The following SMOC2 variants were observed in gnomAD, a reference collection of about 807,000 sequenced individuals.
SMOC2 encodes the protein SPARC related modular calcium binding 2.
SMOC2 carries 39 observed loss-of-function variants against 61.4 expected under a neutral mutation model. The ratio of observed to expected loss-of-function variants is 0.64; its 90% confidence interval spans 0.49 to 0.83. The LOEUF (loss-of-function observed/expected upper bound fraction) is 0.83. Among genes scored for constraint, SMOC2 ranks in the 40% least tolerant of loss-of-function variants. The pLI is 0.00. For synonymous variants in SMOC2, 247 were observed against 239.9 expected (o/e 1.03, Z -0.27); for missense variants, 556 against 592.9 (o/e 0.94, Z 0.65).
chr6:168,663,620 A>G (rs1416211314), intron 11 of SMOC2, among the ~76,000 whole-genome samples: 3 of 152,214 alleles, frequency 2.0e-5, no homozygotes, highest in Non-Finnish European at 4.4e-5. Flanking sequence ...AGTTACTTTC[A>G]TGATCCAGTA....
chr6:168,509,853 T>C, intron 1 of SMOC2, 62 bp from the exon 2 acceptor site: 1 of 1,517,458 alleles, frequency 6.6e-7, no homozygotes, highest in Non-Finnish European at 8.9e-7. Flanking sequence ...CAGCCTTCTG[T>C]TTTCTGCTGC....
chr6:168,478,906 T>C (rs1298856886), intron 1 of SMOC2, among the ~76,000 whole-genome samples: 4 of 151,356 alleles, frequency 2.6e-5, no homozygotes, highest in Admixed American at 1.3e-4. Flanking sequence ...TGGTATCTGG[T>C]CTAGAACAGC....
intron 9 of SMOC2, among the ~76,000 whole-genome samples, chr6:168,640,201 GTTGTA>G (rs1786858234): frequency 7.6e-6 from 1 of 131,962 alleles, no homozygotes; most frequent in African/African-American, 3.0e-5. Flanking sequence ...TGGTGTTGGT[GTTGTA>G]TTGTGCTTGT....
intron 1 of SMOC2, among the ~76,000 whole-genome samples, chr6:168,500,469 AC>A (rs1236078391): frequency 2.0e-5 from 3 of 151,964 alleles, no homozygotes; most frequent in Non-Finnish European, 2.9e-5. Context: ...CACGCGTGGA[AC>A]CTGACGGGGT....
At chr6:168,502,252 GT>G (rs1562558591) in intron 1 of SMOC2, among the ~76,000 whole-genome samples, 1 of 152,194 alleles carries the variant, frequency 6.6e-6, no homozygotes, top group Non-Finnish European at 1.5e-5. Context: ...ATCACATTTT[GT>G]TTTCACGATC....
At chr6:168,474,623 G>A (rs564634612) in intron 1 of SMOC2, among the ~76,000 whole-genome samples, 5 of 152,228 alleles carry the variant, frequency 3.3e-5, no homozygotes, top group African/African-American at 7.2e-5. Flanking sequence ...CTCCGGAGAC[G>A]TATACAACTG....
chr6:168,661,326 A>G (rs2115290811), intron 11 of SMOC2, among the ~76,000 whole-genome samples: 1 of 152,254 alleles, frequency 6.6e-6, no homozygotes. Flanking sequence ...AAATATGAGA[A>G]ATCAGCCGGG....
At chr6:168,570,513 C>T (rs1784640633) in intron 7 of SMOC2, among the ~76,000 whole-genome samples, 1 of 152,232 alleles carries the variant, frequency 6.6e-6, no homozygotes, top group African/African-American at 2.4e-5. Context: ...GCCAGGTTTT[C>T]ACAGGGCCCT....
chr6:168,621,720 ATCTCAC>A (rs1263055780), intron 9 of SMOC2, among the ~76,000 whole-genome samples: 115 of 119,876 alleles, frequency 9.6e-4, no homozygotes, highest in Middle Eastern at 4.1e-3. Flanking sequence ...AGATCTCACG[ATCTCAC>A]GCGGACTCAC....
intron 7 of SMOC2, among the ~76,000 whole-genome samples, chr6:168,575,106 T>C (rs1784766748): frequency 6.6e-6 from 1 of 152,164 alleles, no homozygotes. Context: ...GGGGAAAGGT[T>C]TGTGCGAAGC....
chr6:168,552,490 T>C (rs953710269), intron 7 of SMOC2, among the ~76,000 whole-genome samples: 1 of 152,186 alleles, frequency 6.6e-6, no homozygotes, highest in African/African-American at 2.4e-5. Flanking sequence ...TGTTTCTTTA[T>C]ATCAGATAAA....
intron 1 of SMOC2, among the ~76,000 whole-genome samples, chr6:168,493,885 T>C (rs1351248376): frequency 6.6e-6 from 1 of 152,248 alleles, no homozygotes; most frequent in Non-Finnish European, 1.5e-5. Context: ...TAATTGGTTC[T>C]TGCTATTCAG....
At chr6:168,590,146 T>C (rs1305547251) in intron 7 of SMOC2, among the ~76,000 whole-genome samples, 8 of 131,558 alleles carry the variant, frequency 6.1e-5, no homozygotes. Flanking sequence ...GTGGCATGAG[T>C]TTAGGGGGCA....
chr6:168,615,360 G>A (rs568329129), intron 9 of SMOC2, among the ~76,000 whole-genome samples: 3 of 66,194 alleles, frequency 4.5e-5, no homozygotes, highest in African/African-American at 1.8e-4. Context: ...CACACCTACA[G>A]CCAGCACAGG....
intron 4 of SMOC2, among the ~76,000 whole-genome samples, chr6:168,542,279 T>C (rs1406162052): frequency 6.6e-6 from 1 of 152,204 alleles, no homozygotes; most frequent in Non-Finnish European, 1.5e-5. Context: ...GTTAGCTTTG[T>C]ATCCTAGGGG....
At chr6:168,625,612 T>C (rs1288738864) in intron 9 of SMOC2, among the ~76,000 whole-genome samples, 2 of 152,254 alleles carry the variant, frequency 1.3e-5, no homozygotes, top group Non-Finnish European at 2.9e-5. Context: ...CTCCGTCTTC[T>C]GCCACGTTTT....
intron 1 of SMOC2, among the ~76,000 whole-genome samples, chr6:168,504,686 G>A (rs988463514): frequency 2.0e-5 from 3 of 152,144 alleles, no homozygotes; most frequent in African/African-American, 7.2e-5. Flanking sequence ...GAGCCACTCA[G>A]GCACCTGTGT....
chr6:168,563,721 G>A (rs570302226), intron 7 of SMOC2, among the ~76,000 whole-genome samples: 2 of 152,294 alleles, frequency 1.3e-5, no homozygotes, highest in African/African-American at 4.8e-5. Context: ...CAGGGAATGG[G>A]TCCCCAGCAG....
chr6:168,563,445 T>C (rs1488305373), intron 7 of SMOC2, among the ~76,000 whole-genome samples: 1 of 152,102 alleles, frequency 6.6e-6, no homozygotes, highest in Non-Finnish European at 1.5e-5. Flanking sequence ...AGATACACAG[T>C]CATACACACA....
Sources: allele counts gnomAD v4.1 joint callset (sites outside exome capture counted in the v4.1 genomes callset), GRCh38; gene constraint gnomAD v4.1.1; transcripts MANE v1.5; gene names NCBI Gene and HGNC (gene_info 2026-07-23, HGNC 2026-07-21).